Variants in UBTD1 observed in about 807,000 individuals in gnomAD.
The protein encoded by UBTD1 is ubiquitin domain-containing protein 1.
UBTD1 carries 19 observed loss-of-function variants against 21.7 expected under a neutral mutation model. The observed-to-expected ratio is 0.87, with a 90% CI of 0.61 to 1.28. UBTD1 has a LOEUF of 1.28. UBTD1 is among the 50% of genes most tolerant of loss of function. UBTD1 has a pLI of 0.00. For missense variants in UBTD1, 282 were observed against 315.1 expected (o/e 0.89, Z 0.80); for synonymous variants, 116 against 135.1 (o/e 0.86, Z 0.98).
At chr10:97,530,230 G>GAATC (rs2040522707) in intron 1 of UBTD1, among the ~76,000 whole-genome samples, 1 of 152,198 alleles carries the variant, frequency 6.6e-6, no homozygotes, top group Non-Finnish European at 1.5e-5. Flanking sequence ...ATGAATGGAT[G>GAATC]GATGAATCGA....
chr10:97,553,709 G>T (rs2040651152), intron 1 of UBTD1, among the ~76,000 whole-genome samples: 2 of 152,168 alleles, frequency 1.3e-5, no homozygotes, highest in Admixed American at 6.5e-5. Flanking sequence ...CTGAGGTGCA[G>T]TGATGACTGA....
At chr10:97,551,313 A>G (rs1038694334) in intron 1 of UBTD1, among the ~76,000 whole-genome samples, 4 of 151,836 alleles carry the variant, frequency 2.6e-5, no homozygotes. Flanking sequence ...AGACAGGAGG[A>G]TCCCTTGAGC....
At chr10:97,549,041 T>G (rs1370794442) in intron 1 of UBTD1, among the ~76,000 whole-genome samples, 1 of 152,236 alleles carries the variant, frequency 6.6e-6, no homozygotes, top group Non-Finnish European at 1.5e-5. Flanking sequence ...GTACGTTGTA[T>G]GCAGCACCAT....
intron 1 of UBTD1, among the ~76,000 whole-genome samples, chr10:97,563,988 G>A (rs1428933974): frequency 1.3e-5 from 2 of 152,148 alleles, no homozygotes; most frequent in East Asian, 1.9e-4. Context: ...GCTGTCCGAC[G>A]GACACAGCTT....
At chr10:97,523,082 G>T (rs1055438380) in intron 1 of UBTD1, among the ~76,000 whole-genome samples, 4 of 152,108 alleles carry the variant, frequency 2.6e-5, no homozygotes. Flanking sequence ...TCCTCTTCGG[G>T]CTGTGCACCC....
intron 1 of UBTD1, among the ~76,000 whole-genome samples, chr10:97,501,864 C>G (rs1412332474): frequency 6.6e-6 from 1 of 152,196 alleles, no homozygotes; most frequent in East Asian, 1.9e-4. Context: ...CCCCCTCCCT[C>G]CGCACCCCAC....
chr10:97,500,792 A>C (rs2040372954), intron 1 of UBTD1, among the ~76,000 whole-genome samples: 1 of 152,194 alleles, frequency 6.6e-6, no homozygotes, highest in South Asian at 2.1e-4. Context: ...AATCTTGTTC[A>C]GTCCCACAAC....
intron 1 of UBTD1, among the ~76,000 whole-genome samples, chr10:97,519,508 T>G (rs947435728): frequency 6.6e-6 from 1 of 152,212 alleles, no homozygotes; most frequent in Admixed American, 6.5e-5. Context: ...TTTCTGCTCT[T>G]TGTGGTAAAC....
At chr10:97,564,505 G>C (rs972090694) in intron 1 of UBTD1, among the ~76,000 whole-genome samples, 72 of 152,092 alleles carry the variant, frequency 4.7e-4, no homozygotes, top group African/African-American at 1.6e-3. Context: ...TGCCTCTAAG[G>C]GCAGCCACCT....
intron 1 of UBTD1, among the ~76,000 whole-genome samples, chr10:97,536,883 T>C (rs1046995768): frequency 1.3e-5 from 2 of 152,066 alleles, no homozygotes; most frequent in Non-Finnish European, 2.9e-5. Context: ...CATTCATTCA[T>C]TCAGCTCACA....
At chr10:97,505,092 G>A (rs1181400841) in intron 1 of UBTD1, among the ~76,000 whole-genome samples, 2 of 152,192 alleles carry the variant, frequency 1.3e-5, no homozygotes, top group African/African-American at 4.8e-5. Context: ...GCAGGGCAGG[G>A]ATAGGGTGGC....
intron 1 of UBTD1, among the ~76,000 whole-genome samples, chr10:97,551,750 G>C (rs2040638431): frequency 6.6e-6 from 1 of 152,050 alleles, no homozygotes; most frequent in South Asian, 2.1e-4. Context: ...AGAACTCCAA[G>C]TATCCTCTTT....
intron 1 of UBTD1, among the ~76,000 whole-genome samples, chr10:97,515,524 T>C (rs1245241283): frequency 6.6e-6 from 1 of 152,206 alleles, no homozygotes; most frequent in Non-Finnish European, 1.5e-5. Flanking sequence ...GGGTGATTTA[T>C]GATAGGGCTT....
At chr10:97,567,551 C>T (rs1418336586) in intron 1 of UBTD1, among the ~76,000 whole-genome samples, 7 of 151,702 alleles carry the variant, frequency 4.6e-5, no homozygotes, top group South Asian at 2.1e-4. Context: ...CCCAGCTACT[C>T]GGGAGGCTGA....
intron 1 of UBTD1, among the ~76,000 whole-genome samples, chr10:97,564,537 A>G (rs767821781): frequency 6.6e-6 from 1 of 152,112 alleles, no homozygotes; most frequent in Non-Finnish European, 1.5e-5. Context: ...TCTACATAAT[A>G]AGAACCTTGG....
At chr10:97,502,888 T>TAC (rs35950969) in intron 1 of UBTD1, among the ~76,000 whole-genome samples, 1 of 36,148 alleles carries the variant, frequency 2.8e-5, no homozygotes, top group East Asian at 1.3e-3. Flanking sequence ...TATATATACG[T>TAC]ATATATATGT....
At chr10:97,514,097 G>A (rs928237951) in intron 1 of UBTD1, among the ~76,000 whole-genome samples, 2 of 151,502 alleles carry the variant, frequency 1.3e-5, no homozygotes, top group East Asian at 1.9e-4. Context: ...ATATGGGGAC[G>A]CTTAGGTCAA....
At chr10:97,555,084 C>T (rs1036594247) in intron 1 of UBTD1, among the ~76,000 whole-genome samples, 3 of 152,160 alleles carry the variant, frequency 2.0e-5, no homozygotes, top group Non-Finnish European at 4.4e-5. Context: ...GTAGAATCAG[C>T]TCAAGAATTT....
chr10:97,561,152 C>G (rs1189729263), intron 1 of UBTD1, among the ~76,000 whole-genome samples: 1 of 152,098 alleles, frequency 6.6e-6, no homozygotes, highest in South Asian at 2.1e-4. Context: ...ACGTGCTGCT[C>G]TGGTGAGGCG....
Sources: allele counts gnomAD v4.1 joint callset (sites outside exome capture counted in the v4.1 genomes callset), GRCh38; gene constraint gnomAD v4.1.1; transcripts MANE v1.5; gene names NCBI Gene and HGNC (gene_info 2026-07-23, HGNC 2026-07-21).